Variants in IL1RAP observed in about 807,000 individuals in gnomAD.
IL1RAP encodes the protein interleukin-1 receptor accessory protein.
A neutral mutation model predicts 60.7 loss-of-function variants in IL1RAP; 35 were observed. That is an observed-to-expected ratio of 0.58 (90% CI 0.44 to 0.76). The LOEUF (loss-of-function observed/expected upper bound fraction) is 0.76, where lower values mean the gene tolerates loss of function less well. Ranked by LOEUF, IL1RAP falls within the 30% of genes least tolerant of loss-of-function variation. IL1RAP has a pLI of 0.00. For synonymous variants in IL1RAP, 268 were observed against 250.9 expected (o/e 1.07, Z -0.64); for missense variants, 572 against 693.9 (o/e 0.82, Z 1.97).
At chr3:190,597,463 G>A (rs1371353668) in intron 3 of IL1RAP, among the ~76,000 whole-genome samples, 1 of 152,188 alleles carries the variant, frequency 6.6e-6, no homozygotes, top group Non-Finnish European at 1.5e-5. Flanking sequence ...GCTCTGAGCA[G>A]TGGCAGGAAT....
intron 9 of IL1RAP, among the ~76,000 whole-genome samples, chr3:190,634,719 G>GTT (rs1733070414): frequency 4.7e-5 from 6 of 128,428 alleles, no homozygotes; most frequent in East Asian, 4.5e-4. Flanking sequence ...TTTTTTTTTT[G>GTT]TTGTTGTTTT....
At chr3:190,603,077 GA>G (rs911883824) in intron 3 of IL1RAP, among the ~76,000 whole-genome samples, 54 of 151,788 alleles carry the variant, frequency 3.6e-4, no homozygotes, top group African/African-American at 1.3e-3. Context: ...TCATTATAAA[GA>G]ATAAATTATA....
chr3:190,589,669 T>A (rs1438276057), intron 3 of IL1RAP, among the ~76,000 whole-genome samples: 1 of 152,176 alleles, frequency 6.6e-6, no homozygotes, highest in Non-Finnish European at 1.5e-5. Flanking sequence ...GCGTGGAATA[T>A]TGGCTGCACA....
Position 190,651,142 on chromosome 3 carries a change from A to G in IL1RAP, c.*2437A>G, listed in dbSNP as rs1734371109. 1.0e-6 allele frequency: 1 copy of G among 984,326 alleles called. No individual in the cohort carries two copies. The highest frequency in any genetic ancestry group is 1.2e-6 in the Non-Finnish European group (1 of 829,076). 61.0% of individuals were successfully genotyped at this position (984,326 alleles called of 1,614,324 possible). ...GGAAATGGGGAAACATAATTTAGAG[A>G]ACAAGAACAAACCATGTCTCAAATT... is the stretch of plus-strand genomic sequence containing the variant. On this transcript the variant is annotated 3_prime_UTR_variant, in exon 12 of 12. Transcript: ENST00000447382.
chr3:190,630,705 A>T (rs1053871358), intron 9 of IL1RAP, among the ~76,000 whole-genome samples: 1 of 152,232 alleles, frequency 6.6e-6, no homozygotes. Flanking sequence ...GATGTAAGGC[A>T]GTTTCCCAAA....
At chr3:190,591,710 A>G (rs73200016) in intron 3 of IL1RAP, among the ~76,000 whole-genome samples, 14,060 of 152,254 alleles carry the variant, frequency 0.092, 720 homozygotes, top group African/African-American at 0.12. Flanking sequence ...TTATCTAATA[A>G]TAAGAATAAA....
At chr3:190,579,344 T>C (rs751896535) in intron 3 of IL1RAP, among the ~76,000 whole-genome samples, 2 of 152,236 alleles carry the variant, frequency 1.3e-5, no homozygotes, top group Non-Finnish European at 2.9e-5. Flanking sequence ...ATGAATGATA[T>C]CATACAGTAT....
chr3:190,637,774 CCCCCACCTT>C (rs1396393098), intron 9 of IL1RAP, among the ~76,000 whole-genome samples: 2 of 151,964 alleles, frequency 1.3e-5, no homozygotes, highest in African/African-American at 2.4e-5. Context: ...ATCCTTTCTA[CCCCCACCTT>C]CCCCACCTCC....
At chr3:190,587,665 G>C (rs1577667599) in intron 3 of IL1RAP, among the ~76,000 whole-genome samples, 2 of 152,198 alleles carry the variant, frequency 1.3e-5, no homozygotes, top group African/African-American at 2.4e-5. Flanking sequence ...TAGCACAGAA[G>C]GAAAAGAAAA....
intron 9 of IL1RAP, among the ~76,000 whole-genome samples, chr3:190,631,584 T>C (rs577369345): frequency 6.6e-5 from 10 of 152,318 alleles, no homozygotes; most frequent in Middle Eastern, 3.4e-3. Context: ...TATATCTGAG[T>C]TCACATTCAT....
At chr3:190,527,777 T>G (rs1722639836) in intron 1 of IL1RAP, among the ~76,000 whole-genome samples, 1 of 149,966 alleles carries the variant, frequency 6.7e-6, no homozygotes, top group Non-Finnish European at 1.5e-5. Flanking sequence ...AAAGTTCAGA[T>G]GTTTCGATAT....
intron 2 of IL1RAP, among the ~76,000 whole-genome samples, chr3:190,562,737 TCTG>T (rs1171853649): frequency 1.4e-5 from 2 of 139,496 alleles, no homozygotes; most frequent in Non-Finnish European, 3.1e-5. Flanking sequence ...CACACACACA[TCTG>T]CTACATAACC....
At chr3:190,609,319 T>G in intron 5 of IL1RAP, 138 bp downstream of exon 5, 2 of 563,244 alleles carry the variant, frequency 3.6e-6, no homozygotes, top group Non-Finnish European at 6.0e-6. Context: ...TATGGAAGTA[T>G]TTCAGCACGT....
intron 3 of IL1RAP, among the ~76,000 whole-genome samples, chr3:190,577,288 CT>C (rs1727576398): frequency 1.3e-5 from 2 of 151,972 alleles, no homozygotes; most frequent in African/African-American, 4.8e-5. Context: ...AGTGTGAAAC[CT>C]TTACCAACTG....
Position 190,609,004 on chromosome 3 carries a change from A to G in IL1RAP, c.360A>G (p.Thr120=), listed in dbSNP as rs746329093. ...GNYTCMLRNT[T]YCSKVAFPLE... Reference sequence around the variant, plus strand: ...ATATTTCTTTTTTCAGGAACACTACATATTGCAGCAAAGTTGCATTTCCCT... The same window carrying G: ...ATATTTCTTTTTTCAGGAACACTACGTATTGCAGCAAAGTTGCATTTCCCT... The change falls in exon 5 of 12, where the codon ACA becomes ACG. Residue 120 remains threonine, a synonymous_variant. Coordinates refer to ENST00000447382, the MANE Select transcript of IL1RAP (RefSeq NM_002182.4). The G allele has an allele frequency of 1.4e-5, 22 of 1,612,774 alleles. No homozygotes were observed. The highest frequency in any genetic ancestry group is 4.0e-5 in the African/African-American group (3 of 74,872).
At position 190,627,341 on chromosome 3, in the gene IL1RAP, C is replaced by G. The variant is rs762384434; in HGVS notation, c.794C>G (p.Pro265Arg). 1.5e-5 allele frequency: 24 copies of G among 1,609,428 alleles called. 1 individual carries two copies. In the Admixed American group the frequency reaches 3.7e-4, roughly 25 times the overall value. ...EKEPGEELLI[P>R]CTVYFSFLMD... ...TTTTCAGGAGAGGAGCTACTCATTCCCTGTACGGTCTATTTTAGTTTTCTG... is the reference window on the plus strand; with the variant it reads ...TTTTCAGGAGAGGAGCTACTCATTCGCTGTACGGTCTATTTTAGTTTTCTG... Residue 265 changes from proline to arginine, a missense_variant, in exon 8 of 12, where the codon CCC becomes CGC. Transcript: ENST00000447382.
At position 190,542,879 on chromosome 3, in the gene IL1RAP, ATTT is replaced by A. The variant is rs66937098; in HGVS notation, c.-88-13233_-88-13231del. 8.6e-3 allele frequency among the ~76,000 whole-genome samples: 903 copies of A among 104,796 alleles called. 7 individuals are homozygous for A. The highest frequency in any genetic ancestry group is 0.029 in the African/African-American group (824 of 28,142). The allele number at this position is 104,796 out of a possible 152,430, so 68.8% of individuals were successfully genotyped here. ...TGTAACATACACAAAGATTAAGGGA[ATTT>A]TTTTTTTTTTTTTTTTTGGCTAGCA... is the stretch of plus-strand genomic sequence containing the variant. On this transcript the variant is annotated intron_variant, in intron 1 of 11. Transcript: ENST00000447382.
intron 3 of IL1RAP, among the ~76,000 whole-genome samples, chr3:190,581,799 G>A (rs112070895): frequency 7.9e-5 from 12 of 152,256 alleles, no homozygotes; most frequent in African/African-American, 2.2e-4. Flanking sequence ...ATTTCCATGA[G>A]CCAGGTATTT....
intron 2 of IL1RAP, among the ~76,000 whole-genome samples, chr3:190,556,637 C>G (rs994138000): frequency 6.6e-6 from 1 of 152,184 alleles, no homozygotes; most frequent in African/African-American, 2.4e-5. Flanking sequence ...CTAAAACTAT[C>G]TTCTTTGAAA....
Sources: gnomAD v4.1 joint callset for allele counts (sites outside exome capture counted in the v4.1 genomes callset) on GRCh38, gnomAD v4.1.1 for gene constraint, MANE v1.5 for transcripts, NCBI Gene and HGNC (gene_info 2026-07-23, HGNC 2026-07-21) for gene names.